Variants in PPFIA2 observed in about 807,000 individuals in gnomAD.
The protein encoded by PPFIA2 is PPFI scaffold protein A2, also known as liprin-alpha-2.
A neutral mutation model predicts 175.5 loss-of-function variants in PPFIA2; 46 were observed. The observed-to-expected ratio is 0.26, with a 90% CI of 0.21 to 0.34. The LOEUF (loss-of-function observed/expected upper bound fraction) is 0.34, where lower values mean the gene tolerates loss of function less well. Ranked by LOEUF, PPFIA2 falls within the 10% of genes least tolerant of loss-of-function variation. The pLI, the probability that PPFIA2 is intolerant of heterozygous loss-of-function variation, is 1.00. For missense variants in PPFIA2, 1,179 were observed against 1,506.1 expected (o/e 0.78, Z 3.60); for synonymous variants, 568 against 511.4 (o/e 1.11, Z -1.49).
At chr12:81,299,153 A>G in intron 23 of PPFIA2, 148 bp downstream of exon 23, 1 of 1,068,350 alleles carries the variant, frequency 9.4e-7, no homozygotes, top group Non-Finnish European at 1.2e-6. Context: ...AAAATCATAA[A>G]TTTATTCCCT....
intron 4 of PPFIA2, among the ~76,000 whole-genome samples, chr12:81,582,535 C>T (rs1030166220): frequency 2.6e-5 from 4 of 151,720 alleles, no homozygotes; most frequent in East Asian, 1.9e-4. Context: ...TCCTACCTTT[C>T]GTTTAGCTTA....
chr12:81,655,676 A>C (rs1051413590), intron 4 of PPFIA2, among the ~76,000 whole-genome samples: 1 of 152,010 alleles, frequency 6.6e-6, no homozygotes, highest in Non-Finnish European at 1.5e-5. Flanking sequence ...AATGTATTCT[A>C]TATGATTTCA....
At chr12:81,613,325 C>A (rs1185357929) in intron 4 of PPFIA2, among the ~76,000 whole-genome samples, 2 of 152,014 alleles carry the variant, frequency 1.3e-5, no homozygotes, top group Non-Finnish European at 2.9e-5. Flanking sequence ...CAATTTGGGG[C>A]CCACTCTATG....
intron 4 of PPFIA2, among the ~76,000 whole-genome samples, chr12:81,493,848 G>A (rs555668018): frequency 6.7e-6 from 1 of 149,354 alleles, no homozygotes; most frequent in African/African-American, 2.5e-5. Flanking sequence ...CAGGTGGGGA[G>A]ATATGATGTT....
intron 28 of PPFIA2, among the ~76,000 whole-genome samples, chr12:81,274,238 G>A (rs923977593): frequency 6.6e-6 from 1 of 152,110 alleles, no homozygotes; most frequent in Non-Finnish European, 1.5e-5. Context: ...AAAAATGAAC[G>A]TGACAATGCT....
chr12:81,347,599 G>T lies in PPFIA2; in HGVS notation c.2166C>A (p.His722Gln). The change falls in exon 18 of 33, where the codon CAC (histidine) becomes CAA (glutamine). Residue 722 changes from histidine (H) to glutamine (Q), a missense_variant. Physicochemically the swap from His to Gln is conservative, Grantham distance 24. Transcript: ENST00000549396. ...TTCGAGGGGTGAGCTTTGGAGTTGA[G>T]TGTCCACTGGGGGGAGATGAACTGG... is the stretch of plus-strand genomic sequence containing the variant. The part of the protein sequence containing the change: ...SLASSSPPSG[H>Q]STPKLTPRSP... 6.2e-7 allele frequency: 1 copy of T among 1,613,808 alleles called. No homozygotes were observed. Among genetic ancestry groups the T allele is most frequent in the Non-Finnish European group, 8.5e-7 (1 of 1,179,782 alleles).
At chr12:81,392,176 AT>A (rs2040249534) in intron 8 of PPFIA2, among the ~76,000 whole-genome samples, 1 of 151,946 alleles carries the variant, frequency 6.6e-6, no homozygotes, top group South Asian at 2.1e-4. Context: ...AAGGGGTCAT[AT>A]TCTTTGAATG....
At chr12:81,707,854 G>A (rs955323136) in intron 3 of PPFIA2, among the ~76,000 whole-genome samples, 2 of 150,836 alleles carry the variant, frequency 1.3e-5, no homozygotes, top group African/African-American at 4.9e-5. Context: ...AAAAAATGAT[G>A]AGTTCATGTC....
chr12:81,378,152 G>A (rs1273915142), intron 9 of PPFIA2: 2 of 152,152 alleles, frequency 1.3e-5, no homozygotes, highest in Non-Finnish European at 2.9e-5. Context: ...AGAGCCTTCA[G>A]AGAGAATATG....
At chr12:81,576,033 A>G (rs1215683382) in intron 4 of PPFIA2, among the ~76,000 whole-genome samples, 2 of 151,660 alleles carry the variant, frequency 1.3e-5, no homozygotes, top group Non-Finnish European at 2.9e-5. Context: ...TTACATTAGC[A>G]GGTGAACACT....
chr12:81,356,905 G>A (rs182788157), intron 16 of PPFIA2, among the ~76,000 whole-genome samples: 2 of 152,220 alleles, frequency 1.3e-5, no homozygotes, highest in Admixed American at 1.3e-4. Context: ...TAATTTACAT[G>A]GTTATGTTTT....
chr12:81,623,979 T>C (rs1012010766), intron 4 of PPFIA2, among the ~76,000 whole-genome samples: 4 of 151,938 alleles, frequency 2.6e-5, no homozygotes. Context: ...TTACCTGTTA[T>C]ATTATTTTGT....
intron 4 of PPFIA2, among the ~76,000 whole-genome samples, chr12:81,542,189 A>C (rs886977564): frequency 6.6e-6 from 1 of 152,060 alleles, no homozygotes. Context: ...AGGGCAAGAG[A>C]GAGCTTTGGG....
intron 24 of PPFIA2, chr12:81,292,571 T>C (rs2045320660): frequency 1.3e-5 from 2 of 152,150 alleles, no homozygotes; most frequent in Admixed American, 1.3e-4. Flanking sequence ...AATATTTTCT[T>C]TTCTCTAGCT....
chr12:81,580,983 C>T (rs1364306248), intron 4 of PPFIA2, among the ~76,000 whole-genome samples: 2 of 151,740 alleles, frequency 1.3e-5, no homozygotes, highest in African/African-American at 2.4e-5. Context: ...GCAATCTCAA[C>T]AAGAGTAATG....
chr12:81,457,426 G>C (rs1025894853), intron 5 of PPFIA2, among the ~76,000 whole-genome samples: 1 of 151,944 alleles, frequency 6.6e-6, no homozygotes, highest in Admixed American at 6.6e-5. Context: ...CAACCTCTGA[G>C]GGATTACCCT....
At chr12:81,495,074 C>A (rs986634906) in intron 4 of PPFIA2, among the ~76,000 whole-genome samples, 3 of 151,316 alleles carry the variant, frequency 2.0e-5, no homozygotes. Context: ...GCACATGTAC[C>A]CTAAAACTTA....
intron 4 of PPFIA2, among the ~76,000 whole-genome samples, chr12:81,469,243 T>G (rs2056301503): frequency 6.6e-6 from 1 of 152,210 alleles, no homozygotes; most frequent in Non-Finnish European, 1.5e-5. Flanking sequence ...CTCTGCAAAT[T>G]TTAAAAACTG....
chr12:81,490,487 T>C (rs1402645205), intron 4 of PPFIA2, among the ~76,000 whole-genome samples: 1 of 151,976 alleles, frequency 6.6e-6, no homozygotes, highest in African/African-American at 2.4e-5. Flanking sequence ...CATTTGAATG[T>C]TTATGTTTGA....
Sources: allele counts gnomAD v4.1 joint callset (sites outside exome capture counted in the v4.1 genomes callset), GRCh38; gene constraint gnomAD v4.1.1; transcripts MANE v1.5; gene names NCBI Gene and HGNC (gene_info 2026-07-23, HGNC 2026-07-21).